Variants in PAICS observed in about 807,000 individuals in gnomAD.
The protein encoded by PAICS is phosphoribosylaminoimidazole carboxylase and phosphoribosylaminoimidazolesuccinocarboxamide synthase.
A neutral mutation model predicts 53.7 loss-of-function variants in PAICS; 33 were observed. The observed-to-expected ratio is 0.61, with a 90% confidence interval of 0.47 to 0.82. PAICS has a LOEUF of 0.82. Ranked by LOEUF, PAICS falls within the 40% of genes least tolerant of loss-of-function variation. PAICS has a pLI of 0.00. For missense variants in PAICS, 394 were observed against 494.1 expected (o/e 0.80, Z 1.92); for synonymous variants, 141 against 167.2 (o/e 0.84, Z 1.21).
chr4:56,419,891 A>C, the PAICS span: 2 of 984,580 alleles, frequency 2.0e-6, no homozygotes, highest in Non-Finnish European at 2.4e-6. Flanking sequence ...TCGTAAGAAC[A>C]GCTCAAGATC....
At chr4:56,427,730 G>A in the PAICS span, among the ~76,000 whole-genome samples, 1 of 151,858 alleles carries the variant, frequency 6.6e-6, no homozygotes, top group Non-Finnish European at 1.5e-5. Flanking sequence ...CTCACTGTTA[G>A]AAAGCATTGT....
chr4:56,432,396 C>T (rs58151706), upstream of PAICS, among the ~76,000 whole-genome samples: 26,706 of 151,470 alleles, frequency 0.18, 2,664 homozygotes, highest in Admixed American at 0.32. Context: ...AGTGTGGTGG[C>T]GGGCGCCTGT....
upstream of PAICS, chr4:56,435,324 C>T (rs200428268): frequency 3.1e-6 from 5 of 1,612,782 alleles, no homozygotes; most frequent in East Asian, 2.2e-5. Flanking sequence ...GACGCACGCC[C>T]CCGCCACCCC....
chr4:56,454,810 A>C (rs1372717778), intron 8 of PAICS, among the ~76,000 whole-genome samples: 1 of 151,098 alleles, frequency 6.6e-6, no homozygotes, highest in African/African-American at 2.4e-5. Context: ...TTTTTTTTTT[A>C]AAGTAAATGT....
At chr4:56,417,841 TG>T in the PAICS span, among the ~76,000 whole-genome samples, 423 of 96,450 alleles carry the variant, frequency 4.4e-3, 1 homozygote, top group Admixed American at 8.4e-3. Context: ...TTTGGTTTTT[TG>T]TTTTTTTTTT....
chr4:56,429,428 C>G, the PAICS span, among the ~76,000 whole-genome samples: 1 of 152,116 alleles, frequency 6.6e-6, no homozygotes, highest in Non-Finnish European at 1.5e-5. Context: ...AAGTCAAACT[C>G]AGAAGCCAAC....
At chr4:56,453,512 CAT>C (rs1719024978) in intron 7 of PAICS, 89 bp from the exon 8 acceptor site, 11 of 743,316 alleles carry the variant, frequency 1.5e-5, no homozygotes, top group Non-Finnish European at 2.3e-5. Context: ...GTAATTAAAA[CAT>C]ATAGGCCTTA....
the PAICS span, among the ~76,000 whole-genome samples, chr4:56,428,118 T>C: frequency 1.3e-5 from 2 of 152,258 alleles, no homozygotes; most frequent in Non-Finnish European, 2.9e-5. Context: ...ACAAAATTTC[T>C]TTTGACTCAT....
upstream of PAICS, among the ~76,000 whole-genome samples, chr4:56,435,075 C>G (rs1717823941): frequency 6.6e-6 from 1 of 152,182 alleles, no homozygotes; most frequent in Non-Finnish European, 1.5e-5. Context: ...GCTGGCCAGC[C>G]TCTGGATGGG....
intron 8 of PAICS, among the ~76,000 whole-genome samples, chr4:56,456,447 G>A (rs1289708362): frequency 2.0e-5 from 3 of 152,066 alleles, no homozygotes; most frequent in Non-Finnish European, 4.4e-5. Flanking sequence ...TTGCTCTGTT[G>A]CCCAGGTGGG....
Position 56,459,420 on chromosome 4 carries a change from C to G in PAICS, c.1160C>G (p.Ala387Gly). Residue 387 changes from alanine to glycine, a missense_variant, in exon 9 of 9, where the codon GCT becomes GGT. Physicochemically the swap from Ala to Gly is moderately conservative, Grantham distance 60. This residue lies in a region of PAICS where 95 missense variants were observed against 89.3 expected (regional missense o/e 1.06). Transcript: ENST00000512576. ...TCTCCAGAAGGATCAGCTCAATTTG[C>G]TGCTCAGATATTTGGGTTAAGCAAC... ...VLSPEGSAQF[A>G]AQIFGLSNHL... is the part of the protein sequence containing the mutation. 6.2e-7 allele frequency: 1 copy of G among 1,607,468 alleles called. No individual in the cohort carries two copies. Among genetic ancestry groups the G allele is most frequent in the South Asian group, 1.1e-5 (1 of 90,492 alleles).
At chr4:56,454,450 T>A (rs550974253) in intron 8 of PAICS, among the ~76,000 whole-genome samples, 2 of 152,284 alleles carry the variant, frequency 1.3e-5, no homozygotes, top group Non-Finnish European at 2.9e-5. Context: ...GGGGACACAG[T>A]TTCAATACCA....
intron 2 of PAICS, among the ~76,000 whole-genome samples, chr4:56,443,489 G>T (rs975882344): frequency 2.3e-4 from 35 of 151,934 alleles, no homozygotes; most frequent in South Asian, 8.3e-4. Context: ...CACCCGGCCT[G>T]TTCCATCGAT....
chr4:56,457,975 T>C (rs1719310691), intron 8 of PAICS, among the ~76,000 whole-genome samples: 1 of 152,200 alleles, frequency 6.6e-6, no homozygotes, highest in Non-Finnish European at 1.5e-5. Flanking sequence ...AAGCTATCTT[T>C]AACAAGATGT....
intron 6 of PAICS, chr4:56,450,975 GCCCAGCTAA>G: frequency 3.9e-6 from 1 of 253,858 alleles, no homozygotes; most frequent in South Asian, 7.5e-5. Context: ...TGGCCACCAC[GCCCAGCTAA>G]TTTTTTGTAT....
At chr4:56,437,256 G>GGTGTGTGTGTGTGTGTGTGTGTGTGTGT (rs57161391) in intron 1 of PAICS, among the ~76,000 whole-genome samples, 1 of 124,308 alleles carries the variant, frequency 8.0e-6, no homozygotes, top group Non-Finnish European at 1.7e-5. Flanking sequence ...ATGCCATGAT[G>GGTGTGTGTGTGTGTGTGTGTGTGTGTGT]GTGTGTGTGT....
At chr4:56,449,410 C>G (rs1447545423) in intron 5 of PAICS, among the ~76,000 whole-genome samples, 2 of 152,182 alleles carry the variant, frequency 1.3e-5, no homozygotes, top group African/African-American at 4.8e-5. Context: ...CGCTTTTACA[C>G]TGTTGGTGGG....
At chr4:56,436,554 G>T (rs979833130) in intron 1 of PAICS, 1 of 706,884 alleles carries the variant, frequency 1.4e-6, no homozygotes, top group Non-Finnish European at 2.6e-6. Context: ...TGGCCAAGGG[G>T]TGGAAAGGTG....
intron 1 of PAICS, among the ~76,000 whole-genome samples, chr4:56,439,042 C>A (rs1009609908): frequency 6.6e-6 from 1 of 152,130 alleles, no homozygotes; most frequent in African/African-American, 2.4e-5. Context: ...TTGGTACTTG[C>A]AGGGTATGTC....
Sources: allele counts gnomAD v4.1 joint callset (sites outside exome capture counted in the v4.1 genomes callset), GRCh38; gene constraint gnomAD v4.1.1; regional missense constraint gnomAD v4.1.1; transcripts MANE v1.5; gene names NCBI Gene and HGNC (gene_info 2026-07-23, HGNC 2026-07-21).